OR52N5: variants seen among roughly 807,000 people sequenced by gnomAD.
OR52N5 encodes the protein olfactory receptor 52N5.
A neutral mutation model predicts 14.1 loss-of-function variants in OR52N5; 10 were observed. The ratio of observed to expected loss-of-function variants is 0.71; its 90% confidence interval spans 0.44 to 1.20. The LOEUF is 1.20. Among genes scored for constraint, OR52N5 ranks in the 50% most tolerant of loss-of-function variants. OR52N5 has a pLI of 0.00. For synonymous variants in OR52N5, 116 were observed against 143.0 expected (o/e 0.81, Z 1.35); for missense variants, 361 against 403.2 (o/e 0.90, Z 0.90).
rs1854508996 is a variant in OR52N5 at position 5,777,869 on chromosome 11, CA to C, written c.765del (p.Ala256ProfsTer42). 6.6e-7 allele frequency: 1 copy of C among 1,519,376 alleles called. No homozygotes were observed. The highest frequency in any genetic ancestry group is 1.2e-5 in the South Asian group (1 of 85,616). 94.1% of individuals were successfully genotyped at this position (1,519,376 alleles called of 1,614,324 possible). A position where few individuals can be genotyped will look rare whatever the true frequency, so the allele number is the denominator to read the frequency against. ...KAFSTCTAHISAIIITYVPAF... is the reference protein window; with the variant it reads ...KAFSTCTAHIXAIIITYVPAF... ...GCTGGAACATAGGTGATGATGATGGCAGATATATGGGCAGTGCAGGTGCTGA... is the reference window on the plus strand; with the variant it reads ...GCTGGAACATAGGTGATGATGATGGCGATATATGGGCAGTGCAGGTGCTGA... On this transcript the variant is annotated frameshift_variant, in exon 3 of 3. Coordinates refer to ENST00000641181, the MANE Select transcript of OR52N5 (RefSeq NM_001385662.1). LOFTEE classifies it high-confidence loss of function.
chr11:5,782,088 A>G (rs1286905798), intron 1 of OR52N5, among the ~76,000 whole-genome samples: 3 of 140,394 alleles, frequency 2.1e-5, no homozygotes, highest in Non-Finnish European at 4.7e-5. Flanking sequence ...TGTTGCTCTA[A>G]AATGTTTTCC....
intron 2 of OR52N5, among the ~76,000 whole-genome samples, chr11:5,781,111 C>T (rs1854546471): frequency 7.1e-6 from 1 of 140,382 alleles, no homozygotes; most frequent in African/African-American, 2.6e-5. Context: ...CAGACTTTCA[C>T]ATATGCTCCA....
chr11:5,777,958 G>A lies in OR52N5; in HGVS notation c.677C>T (p.Ser226Phe). The change falls in exon 3 of 3, where the codon TCT (serine) becomes TTT (phenylalanine). Residue 226 changes from serine to phenylalanine, a missense_variant. By Grantham distance (155) the Ser-to-Phe change is radical. Transcript: ENST00000641181. ...CGCTGCCTTGAGGATCAAAGTGTAA[G>A]ACAAAGATATACAACAAATGTCAAA... ...GVFDICCISLSYTLILKAAIS... is the reference protein window; with the variant it reads ...GVFDICCISLFYTLILKAAIS... The A allele has an allele frequency of 6.6e-7, 1 of 1,520,870 alleles. No individual in the cohort carries two copies. Among genetic ancestry groups the A allele is most frequent in the Non-Finnish European group, 9.0e-7 (1 of 1,113,966 alleles). 94.2% of individuals were successfully genotyped at this position (1,520,870 alleles called of 1,614,324 possible). A position where few individuals can be genotyped will look rare whatever the true frequency, so the allele number is the denominator to read the frequency against.
In OR52N5 at chr11:5,783,111, C is replaced by G. The variant is rs1009469837; in HGVS notation, c.-248+184G>C. Among the ~76,000 whole-genome samples the G allele has an allele frequency of 3.6e-5, 5 of 139,456 alleles. 2 individuals carry two copies. In the South Asian group the frequency reaches 1.2e-3, roughly 34 times the overall value. The allele number at this position is 139,456 out of a possible 152,430, so 91.5% of individuals were successfully genotyped here. Reference sequence around the variant, plus strand: ...CCTTGTCCACCAAGAACACATATCCCTTACAAGTACTATCTCTGCTTTGAA... The same window carrying G: ...CCTTGTCCACCAAGAACACATATCCGTTACAAGTACTATCTCTGCTTTGAA... On this transcript the variant is annotated intron_variant, in intron 1 of 2. Coordinates refer to ENST00000641181, the MANE Select transcript of OR52N5 (RefSeq NM_001385662.1).
chr11:5,783,013 A>G (rs1487944992), intron 1 of OR52N5, among the ~76,000 whole-genome samples: 1 of 139,140 alleles, frequency 7.2e-6, no homozygotes, highest in Non-Finnish European at 1.6e-5. Context: ...ATATTAAAAA[A>G]AAGAAGAAGA....
In OR52N5 at chr11:5,781,032, A is replaced by C. The variant is rs549054074; in HGVS notation, c.-24+501T>G. On this transcript the variant is annotated intron_variant, in intron 2 of 2. Transcript: ENST00000641181. ...CCGTTAAACACCCTGATTTAGATAC[A>C]GGATGTTTAACTTGCTTAATCAAGG... Among the ~76,000 whole-genome samples, 47 of 140,546 alleles carry C rather than the reference A, an allele frequency of 3.3e-4. 6 individuals are homozygous for C. The highest frequency in any genetic ancestry group is 2.0e-3 in the Admixed American group (28 of 13,718). The allele number at this position is 140,546 out of a possible 152,430, so 92.2% of individuals were successfully genotyped here. A position where few individuals can be genotyped will look rare whatever the true frequency, so the allele number is the denominator to read the frequency against.
Position 5,777,995 on chromosome 11 carries a change from G to A in OR52N5, c.640C>T (p.Leu214=). 6.6e-7 allele frequency: 1 copy of A among 1,520,034 alleles called. No individual in the cohort carries two copies. Among genetic ancestry groups the A allele is most frequent in the Non-Finnish European group, 9.0e-7 (1 of 1,113,172 alleles). 94.2% of individuals were successfully genotyped at this position (1,520,034 alleles called of 1,614,324 possible). A position where few individuals can be genotyped will look rare whatever the true frequency, so the allele number is the denominator to read the frequency against. Reference sequence around the variant, plus strand: ...CAACAAATGTCAAACACTCCAATCAGGAGAGCAACCATTAGACCATAGATT... The same window carrying A: ...CAACAAATGTCAAACACTCCAATCAAGAGAGCAACCATTAGACCATAGATT... ...NVIYGLMVAL[L]IGVFDICCIS... The change falls in exon 3 of 3, where the codon CTG becomes TTG. Residue 214 remains leucine (L), a synonymous_variant. Transcript: ENST00000641181.
At chr11:5,779,961 T>G (rs1285304741) in intron 2 of OR52N5, among the ~76,000 whole-genome samples, 1 of 140,066 alleles carries the variant, frequency 7.1e-6, no homozygotes, top group Non-Finnish European at 1.6e-5. Flanking sequence ...AAAAAAAACT[T>G]TTAAATCAGA....
At position 5,777,951 on chromosome 11, in the gene OR52N5, A is replaced by G. The variant is rs1244393096; in HGVS notation, c.684T>C (p.Thr228=). The change falls in exon 3 of 3, where the codon ACT becomes ACC. Residue 228 remains threonine, a synonymous_variant. Coordinates refer to ENST00000641181, the MANE Select transcript of OR52N5 (RefSeq NM_001385662.1). ...FDICCISLSY[T]LILKAAISLS... ...GGCTGATCGCTGCCTTGAGGATCAA[A>G]GTGTAAGACAAAGATATACAACAAA... is the stretch of plus-strand genomic sequence containing the variant. 1 of 1,521,506 alleles carries G rather than the reference A, an allele frequency of 6.6e-7. No homozygotes were observed. Among genetic ancestry groups the G allele is most frequent in the Non-Finnish European group, 9.0e-7 (1 of 1,114,468 alleles). 94.3% of individuals were successfully genotyped at this position (1,521,506 alleles called of 1,614,324 possible).
chr11:5,778,384 G>A lies in OR52N5; in HGVS notation c.251C>T (p.Thr84Ile). ...GCAGAGTGCATTGGGTAGAGTGGTG[G>A]TGCAGGTAAGGAGGTCAATGAGGGA... Reference protein sequence around the residue: ...ALSLIDLLTCTTTLPNALCIF... With the variant: ...ALSLIDLLTCITTLPNALCIF... Residue 84 changes from threonine to isoleucine, a missense_variant, in exon 3 of 3, where the codon ACC (threonine) becomes ATC (isoleucine). Coordinates refer to ENST00000641181, the MANE Select transcript of OR52N5 (RefSeq NM_001385662.1). 1 of 1,519,966 alleles carries A rather than the reference G, an allele frequency of 6.6e-7. No individual in the cohort carries two copies. The allele number at this position is 1,519,966 out of a possible 1,614,324, so 94.2% of individuals were successfully genotyped here. A position where few individuals can be genotyped will look rare whatever the true frequency, so the allele number is the denominator to read the frequency against.
rs1044071731 is a variant in OR52N5, at chr11:5,776,284, A to T, written c.*1376T>A. 3.6e-5 allele frequency: 5 copies of T among 140,454 alleles called. 1 individual carries two copies. The highest frequency in any genetic ancestry group is 1.5e-4 in the Admixed American group (2 of 13,646). The allele number at this position is 140,454 out of a possible 1,614,324, so 8.7% of individuals were successfully genotyped here. A position where few individuals can be genotyped will look rare whatever the true frequency, so the allele number is the denominator to read the frequency against. On this transcript the variant is annotated 3_prime_UTR_variant, in exon 3 of 3. Coordinates refer to ENST00000641181, the MANE Select transcript of OR52N5 (RefSeq NM_001385662.1). ...AAATGAAATAACTAACAAATGAAGC[A>T]TGAATGAATGAATCAGTGAATCAAT... is the stretch of plus-strand genomic sequence containing the variant.
intron 2 of OR52N5, among the ~76,000 whole-genome samples, chr11:5,780,233 C>A (rs1031113204): frequency 1.4e-5 from 2 of 139,424 alleles, no homozygotes; most frequent in Non-Finnish European, 3.2e-5. Flanking sequence ...TGTTTTATTT[C>A]TTTCCATTTT....
At chr11:5,779,850 C>A (rs1204871122) in intron 2 of OR52N5, among the ~76,000 whole-genome samples, 1 of 139,224 alleles carries the variant, frequency 7.2e-6, no homozygotes, top group East Asian at 2.1e-4. Flanking sequence ...TGGTATTTCT[C>A]CACCTCATCT....
chr11:5,776,523 T>C lies in OR52N5; in HGVS notation c.*1137A>G, dbSNP rs1854494977. 1.4e-5 allele frequency: 2 copies of C among 140,386 alleles called. No individual in the cohort carries two copies. The highest frequency in any genetic ancestry group is 3.2e-5 in the Non-Finnish European group (2 of 63,478). The allele number at this position is 140,386 out of a possible 1,614,324, so 8.7% of individuals were successfully genotyped here. A position where few individuals can be genotyped will look rare whatever the true frequency, so the allele number is the denominator to read the frequency against. Reference sequence around the variant, plus strand: ...ACTGACTGGGCTGGAAAATGTTCTATAGGAAAGATTATCAACATAGACAAG... The same window carrying C: ...ACTGACTGGGCTGGAAAATGTTCTACAGGAAAGATTATCAACATAGACAAG... On this transcript the variant is annotated 3_prime_UTR_variant, in exon 3 of 3. Coordinates refer to ENST00000641181, the MANE Select transcript of OR52N5 (RefSeq NM_001385662.1).
chr11:5,782,495 C>T (rs1854556869), intron 1 of OR52N5, among the ~76,000 whole-genome samples: 1 of 140,410 alleles, frequency 7.1e-6, no homozygotes, highest in African/African-American at 2.6e-5. Flanking sequence ...TAAATAGTAT[C>T]TAATCACTAT....
rs1854503152 is a variant in OR52N5 at position 5,777,410 on chromosome 11, T to C, written c.*250A>G. ...ATGTTATATATGACATATTTAACTT[T>C]ATGTGTCAATTTAAATAAATTGAGT... On this transcript the variant is annotated 3_prime_UTR_variant, in exon 3 of 3. Coordinates refer to ENST00000641181, the MANE Select transcript of OR52N5 (RefSeq NM_001385662.1). 3.8e-6 allele frequency: 1 copy of C among 264,842 alleles called. No individual in the cohort carries two copies. The highest frequency in any genetic ancestry group is 6.4e-5 in the East Asian group (1 of 15,596). 16.4% of individuals were successfully genotyped at this position (264,842 alleles called of 1,614,324 possible). A position where few individuals can be genotyped will look rare whatever the true frequency, so the allele number is the denominator to read the frequency against.
intron 2 of OR52N5, among the ~76,000 whole-genome samples, chr11:5,780,030 C>T (rs1159507503): frequency 7.1e-6 from 1 of 139,862 alleles, no homozygotes; most frequent in African/African-American, 2.6e-5. Flanking sequence ...GACCACCTAG[C>T]CACATCCATT....
chr11:5,778,333 A>C lies in OR52N5; in HGVS notation c.302T>G (p.Ile101Ser), dbSNP rs146228674. ...LCIFWFSLKE[I>S]NFNACLAQMF... ...CTGGGCCAAGCAAGCATTGAAGTTA[A>C]TTTCTTTGAGACTGAACCAGAAGAT... The change falls in exon 3 of 3, where the codon ATT (isoleucine) becomes AGT (serine). Residue 101 changes from isoleucine (I) to serine (S), a missense_variant. Physicochemically the swap from Ile to Ser is moderately radical, Grantham distance 142. Transcript: ENST00000641181. 11 of 1,520,612 alleles carry C rather than the reference A, an allele frequency of 7.2e-6. 3 individuals carry two copies. Among genetic ancestry groups the C allele is most frequent in the Non-Finnish European group, 9.9e-6 (11 of 1,114,354 alleles). 94.2% of individuals were successfully genotyped at this position (1,520,612 alleles called of 1,614,324 possible).
chr11:5,776,327 C>CA lies in OR52N5; in HGVS notation c.*1332dup, dbSNP rs1854493475. On this transcript the variant is annotated 3_prime_UTR_variant, in exon 3 of 3. Transcript: ENST00000641181. The stretch of plus-strand genomic sequence containing the variant: ...GAATCAATGATTTAATCAATCATTT[C>CA]ACCAATTGGTTGACATTTAACTGGG... The CA allele has an allele frequency of 7.1e-6, 1 of 140,158 alleles. No homozygotes were observed. The highest frequency in any genetic ancestry group is 1.6e-5 in the Non-Finnish European group (1 of 63,278). 8.7% of individuals were successfully genotyped at this position (140,158 alleles called of 1,614,324 possible).
Sources: allele counts gnomAD v4.1 joint callset (sites outside exome capture counted in the v4.1 genomes callset), GRCh38; gene constraint gnomAD v4.1.1; transcripts MANE v1.5; gene names NCBI Gene and HGNC (gene_info 2026-07-23, HGNC 2026-07-21).